LRP1B: variants seen among roughly 807,000 people sequenced by gnomAD.
The protein encoded by LRP1B is LDL receptor related protein 1B.
Under a neutral mutation model 556.6 loss-of-function variants are expected in LRP1B, and 217 were observed. The ratio of observed to expected loss-of-function variants is 0.39; its 90% CI spans 0.35 to 0.44. The LOEUF (loss-of-function observed/expected upper bound fraction) is 0.44, where lower values mean the gene tolerates loss of function less well. LRP1B is among the 20% of genes least tolerant of loss of function. LRP1B has a pLI of 1.00. For missense variants in LRP1B, 5,053 were observed against 5,620.8 expected, an observed-to-expected ratio of 0.90 and a Z score of 3.23; for synonymous variants, 2,047 against 1,865.8, an observed-to-expected ratio of 1.10 and a Z score of -2.50.
intron 3 of LRP1B, among the ~76,000 whole-genome samples, chr2:141,479,718 T>G (rs143209330): frequency 1.3e-4 from 20 of 152,306 alleles, no homozygotes; most frequent in African/African-American, 3.4e-4. Context: ...TTGACTGTTT[T>G]CTTCTGCTCT....
At chr2:140,247,673 C>T (rs1268792239) in intron 86 of LRP1B, among the ~76,000 whole-genome samples, 2 of 151,568 alleles carry the variant, frequency 1.3e-5, no homozygotes, top group South Asian at 2.1e-4. Context: ...ACAGAGCTTT[C>T]CCATTTTAAA....
At chr2:141,395,597 C>T (rs910903194) in intron 3 of LRP1B, among the ~76,000 whole-genome samples, 6 of 152,160 alleles carry the variant, frequency 3.9e-5, no homozygotes, top group Non-Finnish European at 5.9e-5. Context: ...TTCTTTGACA[C>T]GATGAGGATC....
chr2:140,237,721 T>A (rs1164907572), intron 89 of LRP1B, among the ~76,000 whole-genome samples: 1 of 150,680 alleles, frequency 6.6e-6, no homozygotes, highest in Non-Finnish European at 1.5e-5. Context: ...TATTTCAACA[T>A]TGAAAGTCAG....
intron 2 of LRP1B, among the ~76,000 whole-genome samples, chr2:141,667,282 C>T (rs1219289266): frequency 6.6e-6 from 1 of 151,994 alleles, no homozygotes; most frequent in East Asian, 1.9e-4. Flanking sequence ...AGAAAAAAAC[C>T]TTCAAATTTC....
intron 3 of LRP1B, among the ~76,000 whole-genome samples, chr2:141,409,201 TAA>T (rs1237838976): frequency 3.3e-5 from 5 of 152,198 alleles, no homozygotes; most frequent in Non-Finnish European, 5.9e-5. Flanking sequence ...TGACACACGT[TAA>T]GTTATATAAA....
intron 82 of LRP1B, 112 bp downstream of exon 82, chr2:140,321,851 A>T: frequency 9.6e-7 from 1 of 1,041,710 alleles, no homozygotes; most frequent in African/African-American, 1.6e-5. Context: ...AACCACTGCT[A>T]TCAAGGTAGC....
intron 1 of LRP1B, among the ~76,000 whole-genome samples, chr2:142,084,467 C>T (rs1461582718): frequency 1.0e-5 from 1 of 95,908 alleles, no homozygotes; most frequent in Non-Finnish European, 2.4e-5. Flanking sequence ...AAGATTTCAC[C>T]TCTGAGTTGA....
chr2:140,747,720 A>G (rs1470463443), intron 35 of LRP1B, among the ~76,000 whole-genome samples: 1 of 152,076 alleles, frequency 6.6e-6, no homozygotes, highest in Non-Finnish European at 1.5e-5. Flanking sequence ...ATCTCAGAAA[A>G]TCTTGTGAAG....
intron 84 of LRP1B, among the ~76,000 whole-genome samples, chr2:140,278,236 C>T (rs1261732903): frequency 6.6e-6 from 1 of 151,916 alleles, no homozygotes; most frequent in Non-Finnish European, 1.5e-5. Flanking sequence ...TGATGAATAA[C>T]ATGAGGGAAC....
At chr2:140,333,927 G>A (rs1425413565) in intron 79 of LRP1B, among the ~76,000 whole-genome samples, 4 of 151,622 alleles carry the variant, frequency 2.6e-5, no homozygotes, top group African/African-American at 9.7e-5. Flanking sequence ...ATGCTTTGGA[G>A]TAGTAGCTTA....
intron 3 of LRP1B, among the ~76,000 whole-genome samples, chr2:141,303,396 T>G (rs1424506444): frequency 6.6e-6 from 1 of 152,140 alleles, no homozygotes; most frequent in Non-Finnish European, 1.5e-5. Context: ...TCTGTACAGT[T>G]GTATCCATTA....
chr2:140,357,315 T>A (rs979580653), intron 74 of LRP1B, among the ~76,000 whole-genome samples: 7 of 151,540 alleles, frequency 4.6e-5, no homozygotes, highest in African/African-American at 1.7e-4. Context: ...TTTAGACACA[T>A]GCAGCCATAT....
At chr2:141,857,455 C>T (rs1698095405) in intron 1 of LRP1B, among the ~76,000 whole-genome samples, 1 of 151,944 alleles carries the variant, frequency 6.6e-6, no homozygotes, top group Admixed American at 6.6e-5. Flanking sequence ...ATCCTCCCAC[C>T]TCAGCCTCCC....
intron 2 of LRP1B, among the ~76,000 whole-genome samples, chr2:141,794,738 A>C (rs951140453): frequency 7.2e-5 from 11 of 151,998 alleles, no homozygotes; most frequent in African/African-American, 2.7e-4. Context: ...TATATAATTG[A>C]TGTCTTATAG....
At chr2:142,060,193 T>C (rs978287766) in intron 1 of LRP1B, among the ~76,000 whole-genome samples, 24 of 152,074 alleles carry the variant, frequency 1.6e-4, no homozygotes, top group African/African-American at 5.5e-4. Flanking sequence ...TTTGGATGCA[T>C]ATATTTGAAA....
chr2:140,610,611 A>C (rs2105223787), intron 41 of LRP1B, among the ~76,000 whole-genome samples: 1 of 152,252 alleles, frequency 6.6e-6, no homozygotes, highest in South Asian at 2.1e-4. Flanking sequence ...TTTGAGACGG[A>C]ATCTCGCTCT....
At chr2:141,528,438 G>T (rs1271514875) in intron 2 of LRP1B, among the ~76,000 whole-genome samples, 1 of 152,030 alleles carries the variant, frequency 6.6e-6, no homozygotes, top group Non-Finnish European at 1.5e-5. Flanking sequence ...ATGTTTAAAT[G>T]TATACTTAAA....
intron 77 of LRP1B, among the ~76,000 whole-genome samples, chr2:140,344,621 AG>A (rs1261745425): frequency 6.6e-6 from 1 of 151,866 alleles, no homozygotes; most frequent in African/African-American, 2.4e-5. Context: ...TCGTTAAATG[AG>A]ATTACAAAGG....
chr2:141,372,280 G>C (rs1385126974), intron 3 of LRP1B, among the ~76,000 whole-genome samples: 4 of 152,040 alleles, frequency 2.6e-5, no homozygotes, highest in African/African-American at 7.2e-5. Flanking sequence ...TTGGATTCAA[G>C]TTACTAGCAC....
Sources: allele counts gnomAD v4.1 joint callset (sites outside exome capture counted in the v4.1 genomes callset), GRCh38; gene constraint gnomAD v4.1.1; transcripts MANE v1.5; gene names NCBI Gene and HGNC (gene_info 2026-07-23, HGNC 2026-07-21).